Variants in LIN54 observed in about 807,000 individuals in gnomAD.
LIN54 encodes the protein protein lin-54 homolog.
LIN54 carries 9 observed loss-of-function variants against 78.7 expected under a neutral mutation model. The observed-to-expected ratio is 0.11, with a 90% CI of 0.07 to 0.20. The LOEUF (loss-of-function observed/expected upper bound fraction) is 0.20. Among genes scored for constraint, LIN54 ranks in the 10% least tolerant of loss-of-function variants. The pLI, the probability that LIN54 is intolerant of heterozygous loss-of-function variation, is 1.00. For synonymous variants in LIN54, 269 were observed against 318.4 expected (o/e 0.84, Z 1.65); for missense variants, 573 against 889.9 (o/e 0.64, Z 4.53).
At chr4:82,970,576 T>C in intron 3 of LIN54, 107 bp from the exon 4 acceptor site, 1 of 1,048,392 alleles carries the variant, frequency 9.5e-7, no homozygotes, top group Non-Finnish European at 1.4e-6. Context: ...ATGTTTGTTA[T>C]TTCATGTCAA....
intron 4 of LIN54, among the ~76,000 whole-genome samples, chr4:82,969,276 C>T (rs77921298): frequency 9.2e-4 from 140 of 152,312 alleles, no homozygotes; most frequent in Non-Finnish European, 1.7e-3. Flanking sequence ...CCTTCCCTGC[C>T]AAACACACAG....
chr4:82,947,565 A>C (rs1723508215), intron 4 of LIN54, among the ~76,000 whole-genome samples: 1 of 151,982 alleles, frequency 6.6e-6, no homozygotes, highest in African/African-American at 2.4e-5. Context: ...TAATTGATTA[A>C]AATGATTTAA....
chr4:82,939,099 C>A (rs571144089), intron 7 of LIN54, among the ~76,000 whole-genome samples: 14 of 152,276 alleles, frequency 9.2e-5, no homozygotes, highest in Non-Finnish European at 1.6e-4. Context: ...GTAGATAGAT[C>A]GCTGAAGATA....
intron 1 of LIN54, among the ~76,000 whole-genome samples, chr4:82,997,994 C>A (rs1359360960): frequency 1.0e-4 from 11 of 105,256 alleles, no homozygotes; most frequent in East Asian, 4.3e-4. Flanking sequence ...AACTCCATCT[C>A]AAAAAAAAAA....
chr4:82,997,103 G>A lies in LIN54; in HGVS notation c.-32-12227C>T. On this transcript the variant is annotated intron_variant, in intron 1 of 12. Transcript: ENST00000340417. ...CATCACTACTGAACCCCCATCCCCTGTGCCTATAACAGAGCTGGCAAATAA... is the reference window on the plus strand; with the variant it reads ...CATCACTACTGAACCCCCATCCCCTATGCCTATAACAGAGCTGGCAAATAA... Among the ~76,000 whole-genome samples, 2 of 152,038 alleles carry A rather than the reference G, an allele frequency of 1.3e-5. 1 individual carries two copies. Among genetic ancestry groups the A allele is most frequent in the Non-Finnish European group, 2.9e-5 (2 of 67,984 alleles).
intron 1 of LIN54, among the ~76,000 whole-genome samples, chr4:82,991,959 A>T (rs1727752777): frequency 6.6e-6 from 1 of 152,154 alleles, no homozygotes; most frequent in East Asian, 1.9e-4. Flanking sequence ...GTCTGCCTGG[A>T]GATAATGCTA....
intron 5 of LIN54, among the ~76,000 whole-genome samples, chr4:82,941,671 A>G (rs1165702217): frequency 6.6e-6 from 1 of 152,122 alleles, no homozygotes; most frequent in African/African-American, 2.4e-5. Flanking sequence ...AGTGGGAATA[A>G]AAAAGAGAGA....
In LIN54 at chr4:82,970,307, TG is replaced by T. The variant is rs778073224; in HGVS notation, c.951+19del. 1.2e-6 allele frequency: 2 copies of T among 1,602,756 alleles called. No individual in the cohort carries two copies. The highest frequency in any genetic ancestry group is 2.7e-5 in the African/African-American group (2 of 74,384). Reference sequence around the variant, plus strand: ...CATCAACCACAATATTTGGTATTTGTGGCTAATTTATTTTTTTACCTTATTT... The same window carrying T: ...CATCAACCACAATATTTGGTATTTGTGCTAATTTATTTTTTTACCTTATTT... On this transcript the variant is annotated intron_variant, in intron 4 of 12. Transcript: ENST00000340417.
rs1721926044 is a variant in LIN54, at chr4:82,931,228, T to C, written c.1846-83A>G. 4 of 954,854 alleles carry C rather than the reference T, an allele frequency of 4.2e-6. No individual in the cohort carries two copies. In the East Asian group the frequency reaches 9.7e-5, roughly 23 times the overall value. The allele number at this position is 954,854 out of a possible 1,614,324, so 59.1% of individuals were successfully genotyped here. A position where few individuals can be genotyped will look rare whatever the true frequency, so the allele number is the denominator to read the frequency against. On this transcript the variant is annotated intron_variant, in intron 11 of 12. Transcript: ENST00000340417. Reference sequence around the variant, plus strand: ...TAGATGCCACAATCAAATCAACAGCTAATAGCATTACCTGGTCAACTGATA... The same window carrying C: ...TAGATGCCACAATCAAATCAACAGCCAATAGCATTACCTGGTCAACTGATA...
intron 4 of LIN54, among the ~76,000 whole-genome samples, chr4:82,958,496 G>C (rs1298654252): frequency 1.3e-5 from 2 of 152,048 alleles, no homozygotes; most frequent in Admixed American, 1.3e-4. Flanking sequence ...TAACCATCAG[G>C]GAGACTGGAA....
chr4:82,980,799 T>C (rs566255107), intron 2 of LIN54, among the ~76,000 whole-genome samples: 2 of 152,280 alleles, frequency 1.3e-5, no homozygotes, highest in Admixed American at 6.5e-5. Flanking sequence ...TAGAAAGCCA[T>C]ATTAGCAATA....
intron 1 of LIN54, among the ~76,000 whole-genome samples, chr4:82,986,192 C>T (rs1164152905): frequency 4.0e-5 from 6 of 151,828 alleles, no homozygotes; most frequent in Admixed American, 6.6e-5. Context: ...CTCGGCTCAC[C>T]GCAACCTCCA....
chr4:82,952,755 T>C (rs1031752920), intron 4 of LIN54, among the ~76,000 whole-genome samples: 2 of 152,200 alleles, frequency 1.3e-5, no homozygotes, highest in African/African-American at 2.4e-5. Flanking sequence ...ACAGTGCATA[T>C]ATATCCAATG....
At chr4:82,996,695 C>T (rs924847812) in intron 1 of LIN54, among the ~76,000 whole-genome samples, 1 of 152,006 alleles carries the variant, frequency 6.6e-6, no homozygotes, top group Non-Finnish European at 1.5e-5. Context: ...TGAGCCACCA[C>T]ACCCAGCCTC....
At chr4:82,935,578 G>A (rs776993194) in intron 11 of LIN54, among the ~76,000 whole-genome samples, 15 of 152,112 alleles carry the variant, frequency 9.9e-5, no homozygotes, top group East Asian at 3.9e-4. Flanking sequence ...GTGAGCCACC[G>A]CACCCGGCCA....
At chr4:82,940,075 C>G in intron 5 of LIN54, 113 bp from the exon 6 acceptor site, 3 of 733,234 alleles carry the variant, frequency 4.1e-6, no homozygotes, top group Non-Finnish European at 6.7e-6. Flanking sequence ...TTAAAGAATT[C>G]CATTTGATTC....
At chr4:82,932,177 C>T (rs1229124594) in intron 11 of LIN54, among the ~76,000 whole-genome samples, 1 of 148,912 alleles carries the variant, frequency 6.7e-6, no homozygotes, top group Admixed American at 6.8e-5. Flanking sequence ...TCACTGCAAG[C>T]TCCGCCTCCC....
chr4:83,012,446 T>C (rs1729910378), upstream of LIN54, among the ~76,000 whole-genome samples: 1 of 151,962 alleles, frequency 6.6e-6, no homozygotes, highest in South Asian at 2.1e-4. Context: ...ACGGGTGGCT[T>C]GTTGGGTCGC....
Position 82,949,845 on chromosome 4 carries a change from CT to C in LIN54, c.952-3372del, listed in dbSNP as rs370091580. On this transcript the variant is annotated intron_variant, in intron 4 of 12. Coordinates refer to ENST00000340417, the MANE Select transcript of LIN54 (RefSeq NM_194282.4). ...GTTTAATGCAGTCCATTTATTTTTG[CT>C]TTTTTTTTTTTTTTTTCCAGATGGA... Among the ~76,000 whole-genome samples the C allele has an allele frequency of 5.1e-3, 651 of 126,418 alleles. 10 individuals are homozygous for C. Among genetic ancestry groups the C allele is most frequent in the African/African-American group, 0.016 (550 of 34,904 alleles). 82.9% of individuals were successfully genotyped at this position (126,418 alleles called of 152,430 possible).
Sources: gnomAD v4.1 joint callset for allele counts (sites outside exome capture counted in the v4.1 genomes callset) on GRCh38, gnomAD v4.1.1 for gene constraint, MANE v1.5 for transcripts, NCBI Gene and HGNC (gene_info 2026-07-23, HGNC 2026-07-21) for gene names.